CACNA2D1: variants seen among roughly 807,000 people sequenced by gnomAD.
CACNA2D1 encodes voltage-dependent calcium channel subunit alpha-2/delta-1.
In CACNA2D1, 53 loss-of-function variants were observed where a neutral mutation model predicts 171.5. The ratio of observed to expected loss-of-function variants is 0.31; its 90% confidence interval spans 0.25 to 0.39. CACNA2D1 has a LOEUF of 0.39. CACNA2D1 is among the 10% of genes least tolerant of loss of function. CACNA2D1 has a pLI of 1.00. For missense variants in CACNA2D1, 903 were observed against 1,299.8 expected, an observed-to-expected ratio of 0.69 and a Z score of 4.69; for synonymous variants, 442 against 443.1, an observed-to-expected ratio of 1.00 and a Z score of 0.03.
chr7:82,323,366 G>C (rs1208792219), intron 3 of CACNA2D1, among the ~76,000 whole-genome samples: 3 of 151,908 alleles, frequency 2.0e-5, no homozygotes, highest in African/African-American at 7.3e-5. Context: ...AGACTCTCAA[G>C]TCCCCAAGTA....
At chr7:82,079,100 C>T (rs187395999) in intron 7 of CACNA2D1, among the ~76,000 whole-genome samples, 74 of 152,232 alleles carry the variant, frequency 4.9e-4, no homozygotes, top group African/African-American at 1.6e-3. Context: ...CTTTATATTA[C>T]GCTAGCTCTA....
intron 3 of CACNA2D1, among the ~76,000 whole-genome samples, chr7:82,199,239 T>A (rs1232939855): frequency 1.3e-5 from 2 of 152,156 alleles, no homozygotes; most frequent in Non-Finnish European, 2.9e-5. Flanking sequence ...TCTATGTGTG[T>A]TCAGTTTGTG....
At chr7:82,394,080 C>T (rs780349189) in intron 1 of CACNA2D1, among the ~76,000 whole-genome samples, 2 of 152,060 alleles carry the variant, frequency 1.3e-5, no homozygotes, top group African/African-American at 2.4e-5. Context: ...ATATTAAGTT[C>T]GCCAATAGAG....
At chr7:82,160,675 C>G (rs73387946) in intron 4 of CACNA2D1, among the ~76,000 whole-genome samples, 6 of 151,688 alleles carry the variant, frequency 4.0e-5, no homozygotes, top group Admixed American at 1.3e-4. Flanking sequence ...GGTCTCCTTA[C>G]GTGGCCCAGG....
chr7:81,961,242 A>C (rs1470489015), intron 36 of CACNA2D1, among the ~76,000 whole-genome samples: 5 of 151,816 alleles, frequency 3.3e-5, no homozygotes, highest in Non-Finnish European at 7.4e-5. Context: ...TCCCCTCAAA[A>C]TCCCCATCTT....
intron 1 of CACNA2D1, among the ~76,000 whole-genome samples, chr7:82,422,207 A>G (rs1357918778): frequency 6.6e-6 from 1 of 152,190 alleles, no homozygotes; most frequent in East Asian, 1.9e-4. Context: ...TCTTACTGCA[A>G]TAATTAACTA....
intron 3 of CACNA2D1, among the ~76,000 whole-genome samples, chr7:82,219,283 A>C (rs922473432): frequency 6.6e-6 from 1 of 152,144 alleles, no homozygotes; most frequent in Non-Finnish European, 1.5e-5. Context: ...ATTGACAATC[A>C]CACAACAATA....
chr7:82,217,087 C>G (rs970084004), intron 3 of CACNA2D1, among the ~76,000 whole-genome samples: 2 of 151,810 alleles, frequency 1.3e-5, no homozygotes, highest in East Asian at 3.9e-4. Context: ...ACTCCATTAA[C>G]GACAGAAGCT....
intron 25 of CACNA2D1, 128 bp from the exon 26 acceptor site, chr7:81,971,992 A>G: frequency 1.5e-6 from 1 of 653,176 alleles, no homozygotes; most frequent in Non-Finnish European, 2.7e-6. Flanking sequence ...TATATTCCAC[A>G]TTCATTTTCT....
intron 1 of CACNA2D1, among the ~76,000 whole-genome samples, chr7:82,399,389 G>A (rs540626624): frequency 6.6e-6 from 1 of 151,088 alleles, no homozygotes; most frequent in African/African-American, 2.4e-5. Context: ...GCAGTGAGCC[G>A]AGATCGCTCC....
chr7:82,430,417 C>CAAAAAAAAA (rs3054724), intron 1 of CACNA2D1, among the ~76,000 whole-genome samples: 1 of 129,512 alleles, frequency 7.7e-6, no homozygotes, highest in Non-Finnish European at 1.6e-5. Flanking sequence ...GACTCCATCT[C>CAAAAAAAAA]AAAAAAAAAA....
intron 1 of CACNA2D1, among the ~76,000 whole-genome samples, chr7:82,411,911 A>ACACACT (rs1234947753): frequency 5.9e-5 from 9 of 151,682 alleles, no homozygotes; most frequent in Non-Finnish European, 1.0e-4. Context: ...ACACACACAC[A>ACACACT]CACACACACA....
chr7:82,209,066 G>C (rs1302981163), intron 3 of CACNA2D1, among the ~76,000 whole-genome samples: 1 of 152,132 alleles, frequency 6.6e-6, no homozygotes, highest in Non-Finnish European at 1.5e-5. Context: ...CATCAATGAA[G>C]CAATTCCAGA....
chr7:82,158,091 C>G (rs944916119), intron 4 of CACNA2D1, among the ~76,000 whole-genome samples: 1 of 151,810 alleles, frequency 6.6e-6, no homozygotes, highest in African/African-American at 2.4e-5. Context: ...GTAAACATAT[C>G]TATTTTGATA....
chr7:82,361,442 T>G (rs1585651908), intron 1 of CACNA2D1, among the ~76,000 whole-genome samples: 1 of 152,160 alleles, frequency 6.6e-6, no homozygotes, highest in East Asian at 1.9e-4. Context: ...AATGTCCAAG[T>G]AATACAGAAA....
chr7:82,114,499 C>T (rs1439350380), intron 6 of CACNA2D1, among the ~76,000 whole-genome samples: 3 of 152,108 alleles, frequency 2.0e-5, no homozygotes, highest in African/African-American at 4.8e-5. Context: ...AATCCCAGCA[C>T]TTTAGGAGGC....
chr7:82,230,554 G>T (rs143084072), intron 3 of CACNA2D1, among the ~76,000 whole-genome samples: 2 of 151,896 alleles, frequency 1.3e-5, no homozygotes, highest in East Asian at 1.9e-4. Context: ...TTAAAAAAAC[G>T]CGCAAGAATC....
At chr7:82,189,395 T>G (rs1392659411) in intron 3 of CACNA2D1, among the ~76,000 whole-genome samples, 1 of 151,906 alleles carries the variant, frequency 6.6e-6, no homozygotes, top group African/African-American at 2.4e-5. Context: ...GTGCTCTAAG[T>G]TTCTCTATCT....
At chr7:82,381,592 G>A (rs4732450) in intron 1 of CACNA2D1, among the ~76,000 whole-genome samples, 152,274 of 152,304 alleles carry the variant, frequency 1, 76,122 homozygotes, top group Middle Eastern at 1. Context: ...TCTTATGGGA[G>A]GAAGTTTACA....
Sources: allele counts gnomAD v4.1 joint callset (sites outside exome capture counted in the v4.1 genomes callset), GRCh38; gene constraint gnomAD v4.1.1; transcripts MANE v1.5; gene names NCBI Gene and HGNC (gene_info 2026-07-23, HGNC 2026-07-21).